Variants in KTN1 observed in about 807,000 individuals in gnomAD.
KTN1 encodes the protein kinectin.
A neutral mutation model predicts 222.5 loss-of-function variants in KTN1; 130 were observed. The observed-to-expected ratio is 0.58, with a 90% CI of 0.51 to 0.68. The LOEUF (loss-of-function observed/expected upper bound fraction) is 0.68, where lower values mean the gene tolerates loss of function less well. Among genes scored for constraint, KTN1 ranks in the 30% least tolerant of loss-of-function variants. The probability of loss-of-function intolerance (pLI) is 0.00; values close to 1 mark genes in which losing one functional copy is unlikely to be tolerated. For synonymous variants in KTN1, 512 were observed against 496.3 expected, an observed-to-expected ratio of 1.03 and a Z score of -0.42; for missense variants, 1,508 against 1,500.4, an observed-to-expected ratio of 1.01 and a Z score of -0.08.
intron 34 of KTN1, among the ~76,000 whole-genome samples, chr14:55,670,140 G>A (rs1469196231): frequency 6.6e-6 from 1 of 151,970 alleles, no homozygotes; most frequent in Non-Finnish European, 1.5e-5. Context: ...ATTTAAACAA[G>A]TGAATGTGTA....
intron 1 of KTN1, among the ~76,000 whole-genome samples, chr14:55,584,345 A>G (rs1397553238): frequency 6.6e-6 from 1 of 152,202 alleles, no homozygotes; most frequent in Non-Finnish European, 1.5e-5. Flanking sequence ...ACAGACGAAA[A>G]GCTCTGCCCT....
intron 29 of KTN1, among the ~76,000 whole-genome samples, chr14:55,657,645 TC>T (rs2043643632): frequency 6.6e-6 from 1 of 152,276 alleles, no homozygotes; most frequent in South Asian, 2.1e-4. Context: ...GTGTGGTAGT[TC>T]ACAGTAGTAA....
Position 55,641,765 on chromosome 14 carries a change from G to A in KTN1, c.2172+5G>A, listed in dbSNP as rs1276543714. On this transcript the variant is annotated splice_donor_5th_base_variant and intron_variant, in intron 18 of 43. Coordinates refer to ENST00000395314, the MANE Select transcript of KTN1 (RefSeq NM_001079521.2). ...CAGACTCTTGTTTCTGAACAGGTAA[G>A]GCTTTTCCTAAATTACAAAGTAGAA... 4 of 1,531,824 alleles carry A rather than the reference G, an allele frequency of 2.6e-6. No individual in the cohort carries two copies. The highest frequency in any genetic ancestry group is 1.4e-5 in the African/African-American group (1 of 72,982). The allele number at this position is 1,531,824 out of a possible 1,614,324, so 94.9% of individuals were successfully genotyped here.
chr14:55,581,634 T>C (rs1566636984), intron 1 of KTN1, among the ~76,000 whole-genome samples: 1 of 152,156 alleles, frequency 6.6e-6, no homozygotes, highest in Non-Finnish European at 1.5e-5. Context: ...TTCTGAATTG[T>C]ATAGGAGTTG....
At chr14:55,609,216 G>A (rs940359965) in intron 1 of KTN1, among the ~76,000 whole-genome samples, 8 of 152,114 alleles carry the variant, frequency 5.3e-5, no homozygotes, top group Non-Finnish European at 8.8e-5. Context: ...TGTTCTCAGT[G>A]TTCCACTCCG....
At position 55,611,090 on chromosome 14, in the gene KTN1, C is replaced by T. The variant is rs369693417; in HGVS notation, c.-30-929C>T. 2.4e-4 allele frequency among the ~76,000 whole-genome samples: 36 copies of T among 152,056 alleles called. 1 individual carries two copies. Among genetic ancestry groups the T allele is most frequent in the African/African-American group, 8.2e-4 (34 of 41,472 alleles). On this transcript the variant is annotated intron_variant, in intron 1 of 43. Coordinates refer to ENST00000395314, the MANE Select transcript of KTN1 (RefSeq NM_001079521.2). ...AGTTCCTAACTTGTAATTTATTTCA[C>T]TATTTTATTTTTTTGAGACAGAGAC... is the stretch of plus-strand genomic sequence containing the variant.
intron 8 of KTN1, among the ~76,000 whole-genome samples, chr14:55,634,003 G>T (rs1183369947): frequency 6.6e-6 from 1 of 152,146 alleles, no homozygotes; most frequent in Non-Finnish European, 1.5e-5. Flanking sequence ...AGCTGGGCTT[G>T]GTGGCACACA....
intron 29 of KTN1, chr14:55,656,444 A>G (rs190202864): frequency 5.0e-4 from 116 of 232,312 alleles, no homozygotes; most frequent in East Asian, 3.7e-3. Flanking sequence ...TAGTTTTATG[A>G]TATTGGATGG....
chr14:55,661,570 T>C lies in KTN1; in HGVS notation c.3048T>C (p.Asp1016=). 6.2e-7 allele frequency: 1 copy of C among 1,604,268 alleles called. No homozygotes were observed. Among genetic ancestry groups the C allele is most frequent in the Non-Finnish European group, 8.5e-7 (1 of 1,171,526 alleles). ...TAAGTGGTCTCTGGAATGAGTTAGA[T>C]TCTTTGAAGGATGCAGTTGAACACC... The part of the protein sequence containing the change: ...KEISGLWNEL[D]SLKDAVEHQR... The change falls in exon 32 of 44, where the codon GAT becomes GAC. Residue 1016 remains aspartate (D), a synonymous_variant. Transcript: ENST00000395314.
At chr14:55,605,949 T>G (rs1046288928) in intron 1 of KTN1, among the ~76,000 whole-genome samples, 2 of 152,142 alleles carry the variant, frequency 1.3e-5, no homozygotes, top group African/African-American at 4.8e-5. Flanking sequence ...AAAGATTAAC[T>G]TGTCTGTTTA....
At chr14:55,591,600 T>C (rs1174519396) in intron 1 of KTN1, among the ~76,000 whole-genome samples, 2 of 142,766 alleles carry the variant, frequency 1.4e-5, no homozygotes, top group Non-Finnish European at 3.1e-5. Context: ...TTTTTTTTTT[T>C]TTTTTGAGAC....
intron 1 of KTN1, among the ~76,000 whole-genome samples, chr14:55,592,461 T>C (rs892390505): frequency 1.3e-5 from 2 of 152,204 alleles, no homozygotes; most frequent in African/African-American, 4.8e-5. Flanking sequence ...TTGAACAACA[T>C]GGGTTTGAAC....
chr14:55,619,958 G>A (rs1310172448), intron 5 of KTN1, among the ~76,000 whole-genome samples: 1 of 152,158 alleles, frequency 6.6e-6, no homozygotes, highest in Non-Finnish European at 1.5e-5. Context: ...TCCGAGACAA[G>A]GCAAGTCCCT....
chr14:55,651,481 G>A (rs1884880977), intron 24 of KTN1: 1 of 411,178 alleles, frequency 2.4e-6, no homozygotes, highest in East Asian at 7.0e-5. Flanking sequence ...CTCTGATACA[G>A]TAGGGAGGTG....
chr14:55,615,631 T>C (rs2038241589), intron 2 of KTN1, among the ~76,000 whole-genome samples: 1 of 152,096 alleles, frequency 6.6e-6, no homozygotes, highest in African/African-American at 2.4e-5. Context: ...CACTGGGGGA[T>C]CTGAGTTAAT....
chr14:55,649,000 AC>A (rs1421637255), intron 21 of KTN1, 130 bp downstream of exon 21: 3 of 642,358 alleles, frequency 4.7e-6, no homozygotes, highest in Admixed American at 5.9e-5. Context: ...ATCATAACTC[AC>A]CGTAACCTCG....
intron 17 of KTN1, among the ~76,000 whole-genome samples, 169 bp from the exon 18 acceptor site, chr14:55,641,523 G>C (rs1259918111): frequency 6.6e-6 from 1 of 151,980 alleles, no homozygotes; most frequent in African/African-American, 2.4e-5. Context: ...CAAGTGCTAG[G>C]GTGCATCTCT....
At chr14:55,592,530 G>A (rs1026961946) in intron 1 of KTN1, among the ~76,000 whole-genome samples, 26 of 152,210 alleles carry the variant, frequency 1.7e-4, no homozygotes, top group African/African-American at 6.0e-4. Context: ...TGGGCTATGG[G>A]ACTTGACTAT....
intron 34 of KTN1, chr14:55,668,888 T>A (rs1183910960): frequency 6.6e-6 from 1 of 152,080 alleles, no homozygotes; most frequent in Non-Finnish European, 1.5e-5. Flanking sequence ...GAAAACTCCT[T>A]TGTTTCCATT....
Sources: gnomAD v4.1 joint callset for allele counts (sites outside exome capture counted in the v4.1 genomes callset) on GRCh38, gnomAD v4.1.1 for gene constraint, MANE v1.5 for transcripts, NCBI Gene and HGNC (gene_info 2026-07-23, HGNC 2026-07-21) for gene names.